Variants in COL23A1 observed in about 807,000 individuals in gnomAD.
The protein encoded by COL23A1 is collagen alpha-1(XXIII) chain.
COL23A1 carries 97 observed loss-of-function variants against 99.3 expected under a neutral mutation model. The observed-to-expected ratio is 0.98, with a 90% CI of 0.83 to 1.16. The LOEUF is 1.16. COL23A1 is among the 50% of genes most tolerant of loss of function. COL23A1 has a pLI of 0.00. For synonymous variants in COL23A1, 320 were observed against 308.2 expected (o/e 1.04, Z -0.40); for missense variants, 762 against 757.4 (o/e 1.01, Z -0.07).
At chr5:178,507,326 A>G (rs1031257803) in intron 2 of COL23A1, among the ~76,000 whole-genome samples, 4 of 152,002 alleles carry the variant, frequency 2.6e-5, no homozygotes, top group African/African-American at 9.7e-5. Flanking sequence ...TCCTTGAGAA[A>G]CTTCCGATCT....
At chr5:178,565,561 T>C (rs1762801871) in intron 1 of COL23A1, among the ~76,000 whole-genome samples, 2 of 151,884 alleles carry the variant, frequency 1.3e-5, no homozygotes, top group African/African-American at 2.4e-5. Flanking sequence ...ATGATGATGA[T>C]AACAAATACA....
intron 1 of COL23A1, among the ~76,000 whole-genome samples, chr5:178,570,044 C>T (rs533392180): frequency 6.6e-6 from 1 of 151,818 alleles, no homozygotes; most frequent in East Asian, 1.9e-4. Context: ...CCCTAGGGAG[C>T]GGGAATGTTG....
In COL23A1 at chr5:178,245,976, G is replaced by C; in HGVS notation, c.1414-8C>G. ...TGGCTCCCCGGGTCTGCCCTGAGGA[G>C]AGACACAGAGTGGGTGAGAGGGGTT... is the stretch of plus-strand genomic sequence containing the variant. On this transcript the variant is annotated splice_region_variant and splice_polypyrimidine_tract_variant and intron_variant, in intron 24 of 28. Transcript: ENST00000390654. 1 of 1,614,102 alleles carries C rather than the reference G, an allele frequency of 6.2e-7. No homozygotes were observed. Among genetic ancestry groups the C allele is most frequent in the Non-Finnish European group, 8.5e-7 (1 of 1,180,022 alleles).
In COL23A1 at chr5:178,544,430, C is replaced by G. The variant is rs1761469096; in HGVS notation, c.361+16252G>C. Among the ~76,000 whole-genome samples the G allele has an allele frequency of 1.3e-5, 2 of 152,280 alleles. No individual in the cohort carries two copies. The highest frequency in any genetic ancestry group is 3.4e-3 in the Middle Eastern group (1 of 294). ...CACTTTGCCCTCCTGAAAATTAAGC[C>G]CAAGACCTGCCATGGCGGTGGGGAG... is the stretch of plus-strand genomic sequence containing the variant. On this transcript the variant is annotated intron_variant, in intron 2 of 28. Transcript: ENST00000390654. This position sits in a 1 kb window ranked among gnomAD's most constrained non-coding sequence, Gnocchi z 4.4.
intron 27 of COL23A1, among the ~76,000 whole-genome samples, chr5:178,241,533 G>A (rs1412944522): frequency 6.6e-6 from 1 of 152,160 alleles, no homozygotes; most frequent in Non-Finnish European, 1.5e-5. Flanking sequence ...GTCAGACCCC[G>A]ACTTCCACCC....
chr5:178,589,187 TG>T lies in COL23A1; in HGVS notation c.294+716del, dbSNP rs1764142524. The stretch of plus-strand genomic sequence containing the variant: ...CTCATATGAGCTTTCAAGTAAGCTG[TG>T]GAAGTCGCGATTCCCAGGTAAGGGA... On this transcript the variant is annotated intron_variant, in intron 1 of 28. Transcript: ENST00000390654. This position sits in a 1 kb window ranked among gnomAD's most constrained non-coding sequence, Gnocchi z 5.4. Among the ~76,000 whole-genome samples the T allele has an allele frequency of 6.6e-6, 1 of 152,208 alleles. No individual in the cohort carries two copies. The highest frequency in any genetic ancestry group is 2.4e-5 in the African/African-American group (1 of 41,456).
intron 25 of COL23A1, among the ~76,000 whole-genome samples, chr5:178,244,190 C>T (rs929505720): frequency 2.6e-5 from 4 of 151,288 alleles, no homozygotes; most frequent in African/African-American, 4.9e-5. Flanking sequence ...AGGGTTTCAC[C>T]GTGTTAGCCA....
At chr5:178,377,155 G>C (rs1763113863) in intron 2 of COL23A1, among the ~76,000 whole-genome samples, 1 of 152,220 alleles carries the variant, frequency 6.6e-6, no homozygotes, top group African/African-American at 2.4e-5. Flanking sequence ...TGAGTCAGCA[G>C]TGGGCAGCGG....
chr5:178,566,426 T>C (rs1762844535), intron 1 of COL23A1, among the ~76,000 whole-genome samples: 1 of 152,154 alleles, frequency 6.6e-6, no homozygotes, highest in Non-Finnish European at 1.5e-5. Flanking sequence ...GAATAACAAA[T>C]CTAACTATAC....
intron 2 of COL23A1, among the ~76,000 whole-genome samples, chr5:178,444,592 C>T (rs767042852): frequency 4.7e-4 from 71 of 151,946 alleles, no homozygotes; most frequent in Non-Finnish European, 1.0e-4. Flanking sequence ...ATCAGGAGTT[C>T]GAAACCAGCC....
rs112095543 is a variant in COL23A1, at chr5:178,294,357, G to C, written c.407-3988C>G. Among the ~76,000 whole-genome samples, 19 of 23,672 alleles carry C rather than the reference G, an allele frequency of 8.0e-4. 3 individuals carry two copies. Among genetic ancestry groups the C allele is most frequent in the African/African-American group, 2.0e-3 (16 of 7,936 alleles). 15.5% of individuals were successfully genotyped at this position (23,672 alleles called of 152,430 possible). A position where few individuals can be genotyped will look rare whatever the true frequency, so the allele number is the denominator to read the frequency against. On this transcript the variant is annotated intron_variant, in intron 3 of 28. Transcript: ENST00000390654. ...CGAGCTCCCTCCCCAAATCACTACC[G>C]AGCTCCCTCCCCAAATCACTACCGA...
At chr5:178,311,267 C>A (rs1758653863) in intron 2 of COL23A1, among the ~76,000 whole-genome samples, 1 of 152,178 alleles carries the variant, frequency 6.6e-6, no homozygotes, top group Admixed American at 6.5e-5. Flanking sequence ...CTTACTCAAC[C>A]TCATTGAACC....
At chr5:178,522,068 G>A (rs1235079545) in intron 2 of COL23A1, among the ~76,000 whole-genome samples, 1 of 152,068 alleles carries the variant, frequency 6.6e-6, no homozygotes, top group East Asian at 1.9e-4. Flanking sequence ...AAAGAATAAG[G>A]TCTTAGCAAA....
chr5:178,273,342 T>C (rs1469610229), intron 5 of COL23A1, among the ~76,000 whole-genome samples: 1 of 152,234 alleles, frequency 6.6e-6, no homozygotes, highest in African/African-American at 2.4e-5. Flanking sequence ...TCTGTCAAGC[T>C]AGGACTGTTC....
At chr5:178,399,873 C>T (rs1764342738) in intron 2 of COL23A1, among the ~76,000 whole-genome samples, 1 of 152,180 alleles carries the variant, frequency 6.6e-6, no homozygotes. Context: ...ATAACGACGG[C>T]CGCATGGTTC....
At chr5:178,548,041 C>CAAACACACCCACCCA (rs1761800737) in intron 2 of COL23A1, among the ~76,000 whole-genome samples, 1 of 32,596 alleles carries the variant, frequency 3.1e-5, no homozygotes, top group Non-Finnish European at 7.5e-5. Flanking sequence ...ACACCCACCC[C>CAAACACACCCACCCA]CACACCCACA....
chr5:178,270,399 C>A (rs767481867), intron 5 of COL23A1, 36 bp from the exon 6 acceptor site: 2 of 1,612,328 alleles, frequency 1.2e-6, no homozygotes, highest in South Asian at 1.1e-5. Flanking sequence ...AGGTTACACA[C>A]GGGGATGACA....
intron 2 of COL23A1, among the ~76,000 whole-genome samples, chr5:178,361,421 G>C (rs1762168270): frequency 6.6e-6 from 1 of 152,094 alleles, no homozygotes. Flanking sequence ...AATGATCTTG[G>C]TGTGAATGTG....
At chr5:178,494,592 T>C (rs1327682170) in intron 2 of COL23A1, among the ~76,000 whole-genome samples, 1 of 152,202 alleles carries the variant, frequency 6.6e-6, no homozygotes, top group East Asian at 1.9e-4. Flanking sequence ...GAAGAATCAC[T>C]GGAACCCGGG....
Sources: allele counts gnomAD v4.1 joint callset (sites outside exome capture counted in the v4.1 genomes callset), GRCh38; gene constraint gnomAD v4.1.1; non-coding constraint Gnocchi (gnomAD v3.1); transcripts MANE v1.5; gene names NCBI Gene and HGNC (gene_info 2026-07-23, HGNC 2026-07-21).